TAF6L: variants seen among roughly 807,000 people sequenced by gnomAD.
The protein encoded by TAF6L is TATA-box binding protein associated factor 6 like, also known as TAF6-like RNA polymerase II p300/CBP-associated factor-associated factor 65 kDa subunit 6L.
In TAF6L, 34 loss-of-function variants were observed where a neutral mutation model predicts 57.3. The ratio of observed to expected loss-of-function variants is 0.59; its 90% confidence interval spans 0.45 to 0.79. The LOEUF (loss-of-function observed/expected upper bound fraction) is 0.79. TAF6L is among the 30% of genes least tolerant of loss of function. The probability of loss-of-function intolerance (pLI) is 0.00; values close to 1 mark genes in which losing one functional copy is unlikely to be tolerated. For missense variants in TAF6L, 782 were observed against 853.2 expected, an observed-to-expected ratio of 0.92 and a Z score of 1.04; for synonymous variants, 417 against 376.3, an observed-to-expected ratio of 1.11 and a Z score of -1.25.
At position 62,787,164 on chromosome 11, in the gene TAF6L, G is replaced by A. The variant is rs553298284; in HGVS notation, c.1737G>A (p.Gln579=). Residue 579 remains glutamine, a synonymous_variant, in exon 11 of 11, where the codon CAG becomes CAA. Transcript: ENST00000294168. ...GGCGCTGCCGCGGGCGCCTTTTCCAGACTGCCTTCCCCGCGCCGTACGGGC... is the reference window on the plus strand; with the variant it reads ...GGCGCTGCCGCGGGCGCCTTTTCCAAACTGCCTTCCCCGCGCCGTACGGGC... ...AGRRCRGRLF[Q]TAFPAPYGPS... The A allele has an allele frequency of 2.2e-4, 347 of 1,581,114 alleles. 6 individuals carry two copies. In the South Asian group the frequency reaches 3.7e-3, roughly 17 times the overall value.
chr11:62,786,844 A>G lies in TAF6L; in HGVS notation c.1417A>G (p.Lys473Glu), dbSNP rs2084283513. The G allele has an allele frequency of 1.9e-6, 3 of 1,598,866 alleles. No homozygotes were observed. Among genetic ancestry groups the G allele is most frequent in the South Asian group, 1.1e-5 (1 of 90,704 alleles). The change falls in exon 11 of 11, where the codon AAG (lysine) becomes GAG (glutamate). Residue 473 changes from lysine (K) to glutamate (E), a missense_variant. By Grantham distance (56) the Lys-to-Glu change is moderately conservative. This residue lies in a region of TAF6L where 483 missense variants were observed against 445.1 expected (regional missense o/e 1.09). Transcript: ENST00000294168. Reference protein sequence around the residue: ...PTAPRPPGDKKEPAAAPDSVR... With the variant: ...PTAPRPPGDKEEPAAAPDSVR... Reference sequence around the variant, plus strand: ...GGCTCCGCGGCCGCCCGGGGACAAGAAGGAGCCGGCGGCAGCCCCGGACTC... The same window carrying G: ...GGCTCCGCGGCCGCCCGGGGACAAGGAGGAGCCGGCGGCAGCCCCGGACTC...
At chr11:62,780,780 C>T (rs1014020846) in intron 6 of TAF6L, among the ~76,000 whole-genome samples, 1 of 145,172 alleles carries the variant, frequency 6.9e-6, no homozygotes, top group Non-Finnish European at 1.5e-5. Context: ...ACTAAAAATA[C>T]CAGAAAATTA....
chr11:62,781,662 C>CAAA (rs58932683), intron 6 of TAF6L: 175,772 of 311,528 alleles, frequency 0.56, 40,764 homozygotes, highest in Admixed American at 0.69. Context: ...GACTCGGTCT[C>CAAA]AAAAAAAAAA....
chr11:62,786,185 C>G, intron 9 of TAF6L, 75 bp from the exon 10 acceptor site: 1 of 1,539,044 alleles, frequency 6.5e-7, no homozygotes, highest in South Asian at 1.2e-5. Context: ...AAAGGTAGGT[C>G]TTTCATGGGA....
chr11:62,776,329 C>A, intron 2 of TAF6L, 55 bp from the exon 3 acceptor site: 1 of 1,585,140 alleles, frequency 6.3e-7, no homozygotes, highest in Non-Finnish European at 8.7e-7. Flanking sequence ...TTTGGGGTTT[C>A]CCATGCCCCC....
intron 1 of TAF6L, chr11:62,772,165 T>C (rs577480448): frequency 4.4e-5 from 20 of 456,218 alleles, no homozygotes; most frequent in South Asian, 3.1e-4. Context: ...AATAATATCT[T>C]ATTATTGAGA....
intron 6 of TAF6L, chr11:62,781,611 C>T (rs2084230251): frequency 3.0e-6 from 1 of 336,394 alleles, no homozygotes; most frequent in South Asian, 2.3e-5. Context: ...GGAGGTGGAG[C>T]TTGCAGTGAG....
intron 6 of TAF6L, 57 bp from the exon 7 acceptor site, chr11:62,781,837 C>A: frequency 7.1e-7 from 1 of 1,400,846 alleles, no homozygotes; most frequent in Non-Finnish European, 1.0e-6. Flanking sequence ...AAGAATACCG[C>A]ATTCATGTTT....
rs868862532 is a variant in TAF6L at position 62,786,977 on chromosome 11, C to A, written c.1550C>A (p.Ala517Asp). The change falls in exon 11 of 11, where the codon GCC (alanine) becomes GAC (aspartate). Residue 517 changes from alanine (A) to aspartate (D), a missense_variant. By Grantham distance (126) the Ala-to-Asp change is moderately radical. This residue lies in a region of TAF6L where 483 missense variants were observed against 445.1 expected (regional missense o/e 1.09). Coordinates refer to ENST00000294168, the MANE Select transcript of TAF6L (RefSeq NM_006473.4). ...GGGPASASGP[A>D]ASESRPLPRV... ...GGCCCCGCGTCGGCCTCTGGGCCCG[C>A]CGCCTCTGAGAGCAGGCCCTTGCCG... 2.1e-6 allele frequency: 3 copies of A among 1,448,144 alleles called. No homozygotes were observed. Among genetic ancestry groups the A allele is most frequent in the Non-Finnish European group, 2.7e-6 (3 of 1,112,332 alleles). The allele number at this position is 1,448,144 out of a possible 1,614,324, so 89.7% of individuals were successfully genotyped here.
At chr11:62,776,283 C>T in intron 2 of TAF6L, 101 bp from the exon 3 acceptor site, 1 of 1,197,170 alleles carries the variant, frequency 8.4e-7, no homozygotes, top group Admixed American at 1.8e-5. Flanking sequence ...TAAGCGTGGT[C>T]TCCTGTTTGC....
chr11:62,782,536 C>T, intron 8 of TAF6L, 157 bp from the exon 9 acceptor site: 4 of 1,165,320 alleles, frequency 3.4e-6, no homozygotes, highest in South Asian at 1.5e-5. Context: ...GTTCTTCAGC[C>T]CTCAGGTCCT....
At chr11:62,773,779 T>C (rs759345115) in intron 1 of TAF6L, among the ~76,000 whole-genome samples, 22 of 152,156 alleles carry the variant, frequency 1.4e-4, no homozygotes, top group Non-Finnish European at 2.4e-4. Context: ...GGAGGCAGAA[T>C]GCAAGGACAT....
chr11:62,771,714 G>C lies in TAF6L; in HGVS notation c.-14+224G>C, dbSNP rs2084148987. The C allele has an allele frequency of 2.0e-5, 4 of 202,250 alleles. No homozygotes were observed. The South Asian group carries it at 2.7e-4, about 13-fold the overall frequency. The allele number at this position is 202,250 out of a possible 1,614,324, so 12.5% of individuals were successfully genotyped here. A position where few individuals can be genotyped will look rare whatever the true frequency, so the allele number is the denominator to read the frequency against. ...GCCGAGGCCCGGCCCGCGGAGGTCA[G>C]TTCCCACGCCTCCTCTCCAGCGTGA... On this transcript the variant is annotated intron_variant, in intron 1 of 10. Transcript: ENST00000294168.
chr11:62,780,519 A>G (rs1177595824), intron 6 of TAF6L, among the ~76,000 whole-genome samples: 1 of 151,996 alleles, frequency 6.6e-6, no homozygotes, highest in Non-Finnish European at 1.5e-5. Flanking sequence ...CTCAAAAAAA[A>G]AGATCACGCT....
intron 6 of TAF6L, among the ~76,000 whole-genome samples, chr11:62,779,974 A>T (rs185492130): frequency 0.012 from 929 of 74,696 alleles, 23 homozygotes; most frequent in African/African-American, 0.043. Flanking sequence ...ATATATATAT[A>T]TATTTTTTTT....
chr11:62,771,528 C>T (rs1370530740), intron 1 of TAF6L, 38 bp downstream of exon 1: 1 of 159,042 alleles, frequency 6.3e-6, no homozygotes, highest in East Asian at 1.9e-4. Context: ...ACTCCCCATT[C>T]CCGACGCCGA....
Position 62,781,975 on chromosome 11 carries a change from G to A in TAF6L, c.606+7G>A, listed in dbSNP as rs2134715943. 1.9e-6 allele frequency: 3 copies of A among 1,613,922 alleles called. No individual in the cohort carries two copies. Among genetic ancestry groups the A allele is most frequent in the East Asian group, 4.5e-5 (2 of 44,880 alleles). On this transcript the variant is annotated splice_region_variant and intron_variant, in intron 7 of 10. Coordinates refer to ENST00000294168, the MANE Select transcript of TAF6L (RefSeq NM_006473.4). ...TGTTTATGTGGTCAGTGGGGTAAGT[G>A]ACCAGGCTGGGACAGGGAGAATGTT...
At chr11:62,782,541 G>C (rs1463717401) in intron 8 of TAF6L, 152 bp from the exon 9 acceptor site, 7 of 1,207,046 alleles carry the variant, frequency 5.8e-6, no homozygotes, top group African/African-American at 1.5e-5. Context: ...TCAGCCCTCA[G>C]GTCCTAGGCC....
chr11:62,775,062 C>CA (rs35218634), intron 1 of TAF6L, among the ~76,000 whole-genome samples: 8,262 of 62,384 alleles, frequency 0.13, 530 homozygotes, highest in African/African-American at 0.25. Context: ...GACTCTGTCT[C>CA]AAAAAAAAAA....
Sources: allele counts gnomAD v4.1 joint callset (sites outside exome capture counted in the v4.1 genomes callset), GRCh38; gene constraint gnomAD v4.1.1; regional missense constraint gnomAD v4.1.1; transcripts MANE v1.5; gene names NCBI Gene and HGNC (gene_info 2026-07-23, HGNC 2026-07-21).